RAD51C: variants seen among roughly 807,000 people sequenced by gnomAD.
RAD51C encodes RAD51 paralog C.
Under a neutral mutation model 45.0 loss-of-function variants are expected in RAD51C, and 42 were observed. That is an observed-to-expected ratio of 0.93 (90% confidence interval 0.73 to 1.21). The LOEUF (loss-of-function observed/expected upper bound fraction) is 1.21. RAD51C is among the 50% of genes most tolerant of loss of function. The pLI is 0.00. For missense variants in RAD51C, 474 were observed against 452.2 expected, an observed-to-expected ratio of 1.05 and a Z score of -0.44; for synonymous variants, 172 against 159.8, an observed-to-expected ratio of 1.08 and a Z score of -0.58.
intron 7 of RAD51C, among the ~76,000 whole-genome samples, chr17:58,724,640 C>T (rs2049050607): frequency 6.6e-6 from 1 of 151,530 alleles, no homozygotes; most frequent in Non-Finnish European, 1.5e-5. Flanking sequence ...AAGTATTGTT[C>T]TTTAAAAGTA....
chr17:58,734,529 C>T lies in RAD51C; in HGVS notation c.*307C>T, dbSNP rs2049576108. On this transcript the variant is annotated 3_prime_UTR_variant, in exon 9 of 9. Coordinates refer to ENST00000337432, the MANE Select transcript of RAD51C (RefSeq NM_058216.3). ...AATTTACCATTCATACTGTTTTCAC[C>T]CCTTTCTTTCCCAGTTGCCTATAAA... 1 of 385,206 alleles carries T rather than the reference C, an allele frequency of 2.6e-6. No homozygotes were observed. The allele number at this position is 385,206 out of a possible 1,614,324, so 23.9% of individuals were successfully genotyped here. A position where few individuals can be genotyped will look rare whatever the true frequency, so the allele number is the denominator to read the frequency against.
Position 58,709,896 on chromosome 17 carries a change from TTCG to T in RAD51C, c.746_748del (p.Arg249del), listed in dbSNP as rs1395385227. 6.2e-7 allele frequency: 1 copy of T among 1,611,142 alleles called. No individual in the cohort carries two copies. Among genetic ancestry groups the T allele is most frequent in the Non-Finnish European group, 8.5e-7 (1 of 1,177,382 alleles). On this transcript the variant is annotated inframe_deletion, in exon 5 of 9. Transcript: ENST00000337432. Reference sequence around the variant, plus strand: ...ATAGTGGATGGTATTGCTTTTCCATTTCGTCATGACCTAGATGACCTGTCTCTT... The same window carrying T: ...ATAGTGGATGGTATTGCTTTTCCATTTCATGACCTAGATGACCTGTCTCTT...
Position 58,735,184 on chromosome 17 carries a change from C to T in RAD51C, c.*962C>T, listed in dbSNP as rs1157799331. 2.0e-5 allele frequency: 3 copies of T among 152,144 alleles called. No homozygotes were observed. Among genetic ancestry groups the T allele is most frequent in the African/African-American group, 7.2e-5 (3 of 41,438 alleles). The allele number at this position is 152,144 out of a possible 1,614,324, so 9.4% of individuals were successfully genotyped here. A position where few individuals can be genotyped will look rare whatever the true frequency, so the allele number is the denominator to read the frequency against. ...CAGAATAGGTTGATAAGCTCACAAT[C>T]ATTTATTGCTACGTTTTTGTTTTTG... On this transcript the variant is annotated 3_prime_UTR_variant, in exon 9 of 9. Coordinates refer to ENST00000337432, the MANE Select transcript of RAD51C (RefSeq NM_058216.3).
chr17:58,706,349 C>T (rs986087367), intron 4 of RAD51C: 6 of 181,632 alleles, frequency 3.3e-5, no homozygotes, highest in Middle Eastern at 2.6e-3. Flanking sequence ...ATCACTTCAA[C>T]GCAGGAGGCA....
intron 5 of RAD51C, among the ~76,000 whole-genome samples, chr17:58,716,763 C>T (rs1270517050): frequency 7.1e-6 from 1 of 141,754 alleles, no homozygotes; most frequent in East Asian, 2.2e-4. Flanking sequence ...CGCCTGGCTT[C>T]TAATGTAACT....
chr17:58,708,710 C>G (rs574271247), intron 4 of RAD51C, among the ~76,000 whole-genome samples: 1 of 149,522 alleles, frequency 6.7e-6, no homozygotes, highest in East Asian at 1.9e-4. Flanking sequence ...TTGGGGGGGG[C>G]TTTCTTTTGA....
rs2143676047 is a variant in RAD51C, at chr17:58,692,708, C to A, written c.65C>A (p.Ala22Glu). ...RDLVSFPLSP[A>E]VRVKLVSAGF... ...TTGGTGAGTTTCCCGCTGTCTCCAG[C>A]GGTGCGGGTGAAGCTGGTGTCTGCG... The change falls in exon 1 of 9, where the codon GCG (alanine) becomes GAG (glutamate). Residue 22 changes from alanine to glutamate, a missense_variant. Transcript: ENST00000337432. 1 of 1,614,200 alleles carries A rather than the reference C, an allele frequency of 6.2e-7. No homozygotes were observed. Among genetic ancestry groups the A allele is most frequent in the Non-Finnish European group, 8.5e-7 (1 of 1,180,020 alleles).
chr17:58,703,741 T>G (rs959412382), intron 4 of RAD51C, among the ~76,000 whole-genome samples: 2 of 151,854 alleles, frequency 1.3e-5, no homozygotes, highest in Non-Finnish European at 2.9e-5. Context: ...GGAGGATCAT[T>G]TGAGCCCAGT....
rs766600284 is a variant in RAD51C at position 58,720,726 on chromosome 17, C to G, written c.838-20C>G. 49 of 1,584,530 alleles carry G rather than the reference C, an allele frequency of 3.1e-5. 1 individual carries two copies. In the South Asian group the frequency reaches 5.3e-4, roughly 17 times the overall value. On this transcript the variant is annotated intron_variant, in intron 5 of 8. Transcript: ENST00000337432. ...TTTTCAAAGAGACTCACCTAATTTT[C>G]TTACATTTTGTTTTTGTAGGTAATT... is the stretch of plus-strand genomic sequence containing the variant.
chr17:58,692,595 C>A (rs765425309), upstream of RAD51C: 3 of 1,611,126 alleles, frequency 1.9e-6, no homozygotes, highest in African/African-American at 4.0e-5. Flanking sequence ...CACGCCCCAG[C>A]GAGGGCGTGC....
intron 7 of RAD51C, among the ~76,000 whole-genome samples, chr17:58,730,924 T>C (rs1016253945): frequency 1.3e-5 from 2 of 152,174 alleles, no homozygotes; most frequent in Non-Finnish European, 2.9e-5. Context: ...TCTGTACCCA[T>C]TAAATGCTAA....
At chr17:58,710,958 C>T (rs1256217623) in intron 5 of RAD51C, among the ~76,000 whole-genome samples, 1 of 152,086 alleles carries the variant, frequency 6.6e-6, no homozygotes, top group Non-Finnish European at 1.5e-5. Context: ...ATTAGAGAGA[C>T]CTTAGCACAT....
chr17:58,726,571 TA>T (rs1268133674), intron 7 of RAD51C, among the ~76,000 whole-genome samples: 4 of 126,376 alleles, frequency 3.2e-5, no homozygotes, highest in African/African-American at 1.1e-4. Context: ...CATATGTATA[TA>T]TGTGTATACA....
chr17:58,722,131 A>G (rs886610489), intron 6 of RAD51C, among the ~76,000 whole-genome samples: 1 of 152,128 alleles, frequency 6.6e-6, no homozygotes, highest in Non-Finnish European at 1.5e-5. Context: ...AAGCAGAATG[A>G]AGTTTATGTT....
intron 4 of RAD51C, among the ~76,000 whole-genome samples, chr17:58,709,305 C>G (rs1190366112): frequency 6.6e-6 from 1 of 151,844 alleles, no homozygotes; most frequent in Admixed American, 6.6e-5. Flanking sequence ...TCTTGAACTC[C>G]TGACCTCGTG....
At chr17:58,731,545 C>T (rs574502934) in intron 7 of RAD51C, among the ~76,000 whole-genome samples, 1 of 152,288 alleles carries the variant, frequency 6.6e-6, no homozygotes, top group East Asian at 1.9e-4. Context: ...AGGCGTGAGC[C>T]ACCGCGCCCA....
chr17:58,694,728 GC>G (rs1459026617), intron 1 of RAD51C: 2 of 581,578 alleles, frequency 3.4e-6, no homozygotes, highest in East Asian at 6.2e-5. Context: ...GGCTGCCTCA[GC>G]CTCCCAAAGT....
At chr17:58,693,104 T>C (rs764747898) in intron 1 of RAD51C, 80 of 340,190 alleles carry the variant, frequency 2.4e-4, no homozygotes, top group Middle Eastern at 1.9e-3. Flanking sequence ...AGAACTGATA[T>C]CTTGGGGAGC....
intron 7 of RAD51C, among the ~76,000 whole-genome samples, chr17:58,730,570 A>G (rs763014355): frequency 1.3e-5 from 2 of 152,100 alleles, no homozygotes; most frequent in Non-Finnish European, 2.9e-5. Context: ...ATTCTGCTGT[A>G]TTTTGGTCTG....
Sources: allele counts gnomAD v4.1 joint callset (sites outside exome capture counted in the v4.1 genomes callset), GRCh38; gene constraint gnomAD v4.1.1; transcripts MANE v1.5; gene names NCBI Gene and HGNC (gene_info 2026-07-23, HGNC 2026-07-21).